MPPED2: variants seen among roughly 807,000 people sequenced by gnomAD.
MPPED2 encodes metallophosphoesterase MPPED2.
In MPPED2, 5 loss-of-function variants were observed where a neutral mutation model predicts 33.0. The ratio of observed to expected loss-of-function variants is 0.15; its 90% CI spans 0.08 to 0.32. The LOEUF (loss-of-function observed/expected upper bound fraction) is 0.32, where lower values mean the gene tolerates loss of function less well. Ranked by LOEUF, MPPED2 falls within the 10% of genes least tolerant of loss-of-function variation. The probability of loss-of-function intolerance (pLI) is 1.00; values close to 1 mark genes in which losing one functional copy is unlikely to be tolerated. For missense variants in MPPED2, 275 were observed against 372.1 expected (o/e 0.74, Z 2.15); for synonymous variants, 136 against 141.9 (o/e 0.96, Z 0.29).
At chr11:30,414,183 G>T (rs1392074588) in intron 6 of MPPED2, 45 bp downstream of exon 6, 1 of 1,359,198 alleles carries the variant, frequency 7.4e-7, no homozygotes, top group Admixed American at 1.7e-5. Flanking sequence ...CTGAGATAGT[G>T]GACAGGGGCA....
chr11:30,465,892 A>G (rs1950688488), intron 4 of MPPED2, among the ~76,000 whole-genome samples: 1 of 152,170 alleles, frequency 6.6e-6, no homozygotes, highest in Non-Finnish European at 1.5e-5. Flanking sequence ...CCTGCAACCA[A>G]TCCTCCACAT....
chr11:30,402,074 T>C (rs1206691442), intron 6 of MPPED2, among the ~76,000 whole-genome samples: 2 of 151,748 alleles, frequency 1.3e-5, no homozygotes, highest in Non-Finnish European at 2.9e-5. Flanking sequence ...ATTTGGGGGG[T>C]TATGGAAGGA....
rs1047430790 is a variant in MPPED2, at chr11:30,498,054, A to G, written c.311-2533T>C. Among the ~76,000 whole-genome samples the G allele has an allele frequency of 2.1e-5, 3 of 142,652 alleles. No homozygotes were observed. In the Admixed American group the frequency reaches 2.1e-4, roughly 10 times the overall value. The allele number at this position is 142,652 out of a possible 152,430, so 93.6% of individuals were successfully genotyped here. A position where few individuals can be genotyped will look rare whatever the true frequency, so the allele number is the denominator to read the frequency against. On this transcript the variant is annotated intron_variant, in intron 3 of 6. Transcript: ENST00000358117. ...CAGCTGACAAATCTCCTGTTACTTGACGGCATTTTCGTTGTTTTTTTTTTT... is the reference window on the plus strand; with the variant it reads ...CAGCTGACAAATCTCCTGTTACTTGGCGGCATTTTCGTTGTTTTTTTTTTT...
intron 2 of MPPED2, among the ~76,000 whole-genome samples, chr11:30,578,214 G>T (rs184878805): frequency 7.2e-5 from 11 of 152,288 alleles, no homozygotes; most frequent in South Asian, 2.1e-4. Context: ...GTAAGAAACA[G>T]TGATGGCAAT....
chr11:30,504,763 TCAGACTGCTAC>T, intron 3 of MPPED2: 1 of 1,288,888 alleles, frequency 7.8e-7, no homozygotes, highest in Non-Finnish European at 1.0e-6. Context: ...CACAGCAGGT[TCAGACTGCTAC>T]CTTCTCCTCT....
At chr11:30,519,286 C>T (rs1044498290) in intron 3 of MPPED2, among the ~76,000 whole-genome samples, 9 of 151,804 alleles carry the variant, frequency 5.9e-5, no homozygotes, top group Non-Finnish European at 1.0e-4. Flanking sequence ...AACAAACAAA[C>T]AAAATATATA....
At chr11:30,464,026 G>T (rs1590379255) in intron 4 of MPPED2, among the ~76,000 whole-genome samples, 1 of 151,952 alleles carries the variant, frequency 6.6e-6, no homozygotes, top group East Asian at 1.9e-4. Flanking sequence ...CTAAAAACTG[G>T]TATATAGCAA....
At chr11:30,583,387 CTTTTCATAAA>C (rs1957285950) in intron 1 of MPPED2, among the ~76,000 whole-genome samples, 1 of 152,022 alleles carries the variant, frequency 6.6e-6, no homozygotes, top group South Asian at 2.1e-4. Flanking sequence ...CAGCACTATT[CTTTTCATAAA>C]TTTTCATTTT....
chr11:30,454,747 T>A (rs1453629971), intron 4 of MPPED2, among the ~76,000 whole-genome samples: 1 of 152,174 alleles, frequency 6.6e-6, no homozygotes, highest in Admixed American at 6.5e-5. Flanking sequence ...TATTCAAGAA[T>A]ATGGGTTAGG....
At chr11:30,545,952 C>T (rs1387973228) in intron 2 of MPPED2, among the ~76,000 whole-genome samples, 1 of 152,174 alleles carries the variant, frequency 6.6e-6, no homozygotes, top group Non-Finnish European at 1.5e-5. Flanking sequence ...AACCACCTCC[C>T]AGGTTCAAGC....
chr11:30,549,175 A>G (rs1955582927), intron 2 of MPPED2, among the ~76,000 whole-genome samples: 1 of 152,238 alleles, frequency 6.6e-6, no homozygotes, highest in Admixed American at 6.5e-5. Flanking sequence ...ACACACATGA[A>G]AATAACACAC....
intron 3 of MPPED2, among the ~76,000 whole-genome samples, chr11:30,524,282 TAAGAG>T (rs1954041314): frequency 6.6e-6 from 1 of 151,224 alleles, no homozygotes; most frequent in Non-Finnish European, 1.5e-5. Context: ...AAAATAAAAA[TAAGAG>T]AGAGAACAGG....
intron 6 of MPPED2, among the ~76,000 whole-genome samples, chr11:30,413,191 C>T (rs1948189716): frequency 6.6e-6 from 1 of 152,216 alleles, no homozygotes; most frequent in Non-Finnish European, 1.5e-5. Flanking sequence ...CCCACCTAAC[C>T]AGGAAGCCAC....
rs71060450 is a variant in MPPED2 at position 30,458,914 on chromosome 11, C to CTTTTT, written c.536+36377_536+36381dup. Among the ~76,000 whole-genome samples the CTTTTT allele has an allele frequency of 2.0e-3, 130 of 64,552 alleles. 6 individuals are homozygous for CTTTTT. Among genetic ancestry groups the CTTTTT allele is most frequent in the Middle Eastern group, 0.012 (1 of 84 alleles). The allele number at this position is 64,552 out of a possible 152,430, so 42.3% of individuals were successfully genotyped here. On this transcript the variant is annotated intron_variant, in intron 4 of 6. Coordinates refer to ENST00000358117, the MANE Select transcript of MPPED2 (RefSeq NM_001584.3). ...TTTTTTAGGACAATTTTGCACAGTT[C>CTTTTT]TTTTTTTTTTTTTTTTTTTTTTTTT...
At chr11:30,543,771 C>T (rs1049883265) in intron 2 of MPPED2, among the ~76,000 whole-genome samples, 3 of 145,678 alleles carry the variant, frequency 2.1e-5, no homozygotes, top group African/African-American at 2.5e-5. Flanking sequence ...TGAACTAAGG[C>T]GTTCCAGAAA....
chr11:30,484,179 C>A (rs1374572427), intron 4 of MPPED2, among the ~76,000 whole-genome samples: 1 of 152,062 alleles, frequency 6.6e-6, no homozygotes, highest in East Asian at 1.9e-4. Context: ...CTGAAAATAT[C>A]TAAATTAATC....
chr11:30,419,524 G>A (rs1208234503), intron 4 of MPPED2, among the ~76,000 whole-genome samples: 1 of 152,136 alleles, frequency 6.6e-6, no homozygotes, highest in Admixed American at 6.5e-5. Context: ...GCTTTTGTCT[G>A]TTCAGATCTT....
At chr11:30,424,498 G>T (rs777114588) in intron 4 of MPPED2, among the ~76,000 whole-genome samples, 1 of 152,036 alleles carries the variant, frequency 6.6e-6, no homozygotes, top group African/African-American at 2.4e-5. Context: ...ACTTCACAGC[G>T]CCTTTCACAT....
At chr11:30,388,942 T>G (rs1590146261) in exon 7 of MPPED2, 1 of 1,564,068 alleles carries the variant, frequency 6.4e-7, no homozygotes, top group Admixed American at 1.9e-5. Flanking sequence ...GCCTTGGAGA[T>G]GCTCACAGGG....
Sources: gnomAD v4.1 joint callset for allele counts (sites outside exome capture counted in the v4.1 genomes callset) on GRCh38, gnomAD v4.1.1 for gene constraint, MANE v1.5 for transcripts, NCBI Gene and HGNC (gene_info 2026-07-23, HGNC 2026-07-21) for gene names.